LRRC1: variants seen among roughly 807,000 people sequenced by gnomAD.
The protein encoded by LRRC1 is leucine rich repeat containing 1.
A neutral mutation model predicts 69.9 loss-of-function variants in LRRC1; 28 were observed. The observed-to-expected ratio is 0.40, with a 90% CI of 0.30 to 0.55. The LOEUF is 0.55. Among genes scored for constraint, LRRC1 ranks in the 20% least tolerant of loss-of-function variants. The probability of loss-of-function intolerance (pLI) is 0.47; values close to 1 mark genes in which losing one functional copy is unlikely to be tolerated. For missense variants in LRRC1, 498 were observed against 609.0 expected (o/e 0.82, Z 1.92); for synonymous variants, 236 against 240.2 (o/e 0.98, Z 0.16).
chr6:53,880,260 A>T (rs1767245062), intron 3 of LRRC1, among the ~76,000 whole-genome samples: 1 of 152,164 alleles, frequency 6.6e-6, no homozygotes, highest in South Asian at 2.1e-4. Context: ...TGCATGTAAC[A>T]TTTATTACTG....
In LRRC1 at chr6:53,795,197, C is replaced by G. The variant is rs906848443; in HGVS notation, c.-60C>G. 11 of 1,477,182 alleles carry G rather than the reference C, an allele frequency of 7.4e-6. No individual in the cohort carries two copies. The highest frequency in any genetic ancestry group is 9.9e-6 in the Non-Finnish European group (11 of 1,107,696). 91.5% of individuals were successfully genotyped at this position (1,477,182 alleles called of 1,614,324 possible). ...GACTGAGCGGAGCCGCCGGCCAGAG[C>G]GGGCTCGGAGCCCGGGTCTCCGCCG... is the stretch of plus-strand genomic sequence containing the variant. On this transcript the variant is annotated 5_prime_UTR_variant, in exon 1 of 14. Coordinates refer to ENST00000370888, the MANE Select transcript of LRRC1 (RefSeq NM_018214.5).
At chr6:53,843,393 T>A (rs1349027658) in intron 2 of LRRC1, among the ~76,000 whole-genome samples, 1 of 152,214 alleles carries the variant, frequency 6.6e-6, no homozygotes, top group Admixed American at 6.5e-5. Flanking sequence ...GTTGGAAATA[T>A]GGTGAAGAAA....
chr6:53,897,178 C>A, intron 6 of LRRC1, 107 bp from the exon 7 acceptor site: 1 of 739,458 alleles, frequency 1.4e-6, no homozygotes, highest in South Asian at 1.8e-5. Context: ...CAGTGAACAT[C>A]TGCTAAGGTA....
intron 2 of LRRC1, among the ~76,000 whole-genome samples, chr6:53,852,588 A>G (rs572287674): frequency 1.3e-5 from 2 of 152,304 alleles, no homozygotes; most frequent in African/African-American, 4.8e-5. Context: ...TGTGCCCCAA[A>G]TCATACTCCT....
chr6:53,887,836 C>A (rs1247059444), intron 4 of LRRC1, among the ~76,000 whole-genome samples: 1 of 152,134 alleles, frequency 6.6e-6, no homozygotes, highest in Admixed American at 6.5e-5. Context: ...TATGTCACTG[C>A]AGATGCCGGT....
chr6:53,854,050 C>T (rs577500860), intron 2 of LRRC1, among the ~76,000 whole-genome samples: 7 of 152,304 alleles, frequency 4.6e-5, no homozygotes, highest in African/African-American at 1.4e-4. Context: ...TAGTGTGGCA[C>T]ATTTCCATAG....
chr6:53,894,836 A>C (rs1401269578), intron 4 of LRRC1, among the ~76,000 whole-genome samples: 1 of 152,194 alleles, frequency 6.6e-6, no homozygotes, highest in Non-Finnish European at 1.5e-5. Flanking sequence ...GTCAAGAGAA[A>C]GTAGAACTAG....
chr6:53,817,460 A>T (rs1764984030), intron 1 of LRRC1, among the ~76,000 whole-genome samples: 1 of 152,158 alleles, frequency 6.6e-6, no homozygotes, highest in African/African-American at 2.4e-5. Flanking sequence ...GAAATGTTCT[A>T]TCTTAGTGAT....
chr6:53,828,305 T>G (rs992965447), intron 1 of LRRC1, among the ~76,000 whole-genome samples: 6 of 152,216 alleles, frequency 3.9e-5, no homozygotes, highest in Admixed American at 2.6e-4. Context: ...TCTTAGGTGC[T>G]CAAAGCTTTG....
At chr6:53,820,647 G>A (rs2127408728) in intron 1 of LRRC1, among the ~76,000 whole-genome samples, 1 of 151,946 alleles carries the variant, frequency 6.6e-6, no homozygotes, top group East Asian at 1.9e-4. Flanking sequence ...GATACTGTAA[G>A]AGGTTATCAG....
At chr6:53,851,930 TG>T (rs1322876539) in intron 2 of LRRC1, among the ~76,000 whole-genome samples, 1 of 152,256 alleles carries the variant, frequency 6.6e-6, no homozygotes, top group African/African-American at 2.4e-5. Flanking sequence ...TGCAAGTGTT[TG>T]CGACTTTTTT....
chr6:53,873,291 T>TC (rs902984500), intron 2 of LRRC1, among the ~76,000 whole-genome samples: 1 of 145,822 alleles, frequency 6.9e-6, no homozygotes, highest in Non-Finnish European at 1.5e-5. Flanking sequence ...CGATTTTTCT[T>TC]TTTTTTTTTT....
At position 53,894,718 on chromosome 6, in the gene LRRC1, A is replaced by G. The variant is rs150673144; in HGVS notation, c.447-1780A>G. Among the ~76,000 whole-genome samples the G allele has an allele frequency of 3.2e-3, 480 of 152,292 alleles. 7 individuals carry two copies. The highest frequency in any genetic ancestry group is 0.014 in the Middle Eastern group (4 of 294). Reference sequence around the variant, plus strand: ...TTTAAATTTTTACTTTTCAAGTAAAATTATGATTTACAGATTATTTACAGA... The same window carrying G: ...TTTAAATTTTTACTTTTCAAGTAAAGTTATGATTTACAGATTATTTACAGA... On this transcript the variant is annotated intron_variant, in intron 4 of 13. Transcript: ENST00000370888.
intron 4 of LRRC1, among the ~76,000 whole-genome samples, chr6:53,890,288 A>G (rs528715360): frequency 6.6e-6 from 1 of 152,344 alleles, no homozygotes; most frequent in African/African-American, 2.4e-5. Flanking sequence ...ATAGTCCAGT[A>G]CCCGAAACAG....
chr6:53,855,979 G>T (rs1419893628), intron 2 of LRRC1, among the ~76,000 whole-genome samples: 1 of 152,132 alleles, frequency 6.6e-6, no homozygotes, highest in Non-Finnish European at 1.5e-5. Flanking sequence ...AGATGCTTTG[G>T]TCTTCTGGAG....
chr6:53,909,463 G>A (rs1156851763), intron 10 of LRRC1, among the ~76,000 whole-genome samples: 1 of 152,186 alleles, frequency 6.6e-6, no homozygotes, highest in African/African-American at 2.4e-5. Context: ...CAAATGCAAG[G>A]CAGTGGTACT....
At chr6:53,886,479 A>G (rs920050558) in intron 4 of LRRC1, among the ~76,000 whole-genome samples, 1 of 152,226 alleles carries the variant, frequency 6.6e-6, no homozygotes, top group African/African-American at 2.4e-5. Context: ...TTGCAAAGCA[A>G]AAATTTTAAG....
chr6:53,832,809 C>A (rs911603534), intron 1 of LRRC1, among the ~76,000 whole-genome samples: 1 of 151,998 alleles, frequency 6.6e-6, no homozygotes, highest in Non-Finnish European at 1.5e-5. Flanking sequence ...AGCAGATTTA[C>A]CTTTTTAAAA....
chr6:53,911,729 C>G (rs1366706000), intron 10 of LRRC1, among the ~76,000 whole-genome samples: 1 of 152,182 alleles, frequency 6.6e-6, no homozygotes, highest in East Asian at 1.9e-4. Flanking sequence ...CAAGGGTGCC[C>G]CATGGGAACC....
Sources: allele counts gnomAD v4.1 joint callset (sites outside exome capture counted in the v4.1 genomes callset), GRCh38; gene constraint gnomAD v4.1.1; transcripts MANE v1.5; gene names NCBI Gene and HGNC (gene_info 2026-07-23, HGNC 2026-07-21).